CADPS2: variants seen among roughly 807,000 people sequenced by gnomAD.
CADPS2 encodes calcium-dependent secretion activator 2.
A neutral mutation model predicts 172.5 loss-of-function variants in CADPS2; 93 were observed. That is an observed-to-expected ratio of 0.54 (90% CI 0.46 to 0.64). The LOEUF (loss-of-function observed/expected upper bound fraction) is 0.64, where lower values mean the gene tolerates loss of function less well. Among genes scored for constraint, CADPS2 ranks in the 30% least tolerant of loss-of-function variants. The pLI is 0.00. For missense variants in CADPS2, 1,420 were observed against 1,565.9 expected, an observed-to-expected ratio of 0.91 and a Z score of 1.57; for synonymous variants, 546 against 555.2, an observed-to-expected ratio of 0.98 and a Z score of 0.23.
chr7:122,593,246 G>A (rs1240274211), intron 6 of CADPS2, among the ~76,000 whole-genome samples: 1 of 151,886 alleles, frequency 6.6e-6, no homozygotes, highest in African/African-American at 2.4e-5. Context: ...AACAATCTAA[G>A]TGAAATTAGT....
chr7:122,441,499 T>C lies in CADPS2; in HGVS notation c.2352+13A>G, dbSNP rs1355918333. 6.6e-7 allele frequency: 1 copy of C among 1,506,336 alleles called. No homozygotes were observed. The highest frequency in any genetic ancestry group is 1.7e-4 in the Middle Eastern group (1 of 5,770). The allele number at this position is 1,506,336 out of a possible 1,614,324, so 93.3% of individuals were successfully genotyped here. On this transcript the variant is annotated intron_variant, in intron 16 of 29. Transcript: ENST00000449022. ...AAAGCAAATAGTATTTATAAAGTAA[T>C]GTTCAAACATACCCTTTCAAGTAAT...
At chr7:122,763,079 G>A (rs1241863830) in intron 1 of CADPS2, among the ~76,000 whole-genome samples, 3 of 152,104 alleles carry the variant, frequency 2.0e-5, no homozygotes, top group African/African-American at 7.2e-5. Context: ...GGAAGGCTGT[G>A]TTAACAGGCC....
intron 17 of CADPS2, among the ~76,000 whole-genome samples, chr7:122,417,536 C>A (rs1264396379): frequency 1.3e-5 from 2 of 152,170 alleles, no homozygotes; most frequent in Non-Finnish European, 2.9e-5. Flanking sequence ...CTGAAAAGAT[C>A]CATAGACATG....
intron 3 of CADPS2, among the ~76,000 whole-genome samples, chr7:122,633,309 T>G (rs191893717): frequency 2.1e-3 from 313 of 152,272 alleles, no homozygotes; most frequent in Non-Finnish European, 3.6e-3. Flanking sequence ...ATGATACTGA[T>G]TTTTCCATTC....
intron 1 of CADPS2, among the ~76,000 whole-genome samples, chr7:122,825,465 A>G (rs1259694159): frequency 6.6e-6 from 1 of 152,190 alleles, no homozygotes; most frequent in Non-Finnish European, 1.5e-5. Flanking sequence ...GGGAGAGATA[A>G]AATTAAAATG....
chr7:122,743,205 A>G (rs563124013), intron 1 of CADPS2, among the ~76,000 whole-genome samples: 2 of 152,342 alleles, frequency 1.3e-5, no homozygotes, highest in Admixed American at 6.5e-5. Flanking sequence ...TTGTAAAAAG[A>G]AAAAACTAAA....
intron 2 of CADPS2, among the ~76,000 whole-genome samples, chr7:122,701,495 A>G (rs2086083942): frequency 6.6e-6 from 1 of 152,170 alleles, no homozygotes; most frequent in Admixed American, 6.6e-5. Flanking sequence ...ATGTTAAATG[A>G]CGAGTTACTG....
chr7:122,767,360 T>C (rs527829214), intron 1 of CADPS2, among the ~76,000 whole-genome samples: 2 of 152,108 alleles, frequency 1.3e-5, no homozygotes, highest in Non-Finnish European at 2.9e-5. Context: ...TGCAGATAAG[T>C]GATAGAGCTG....
intron 27 of CADPS2, among the ~76,000 whole-genome samples, chr7:122,345,882 C>CAAATTGA (rs1215045348): frequency 1.4e-5 from 2 of 143,914 alleles, no homozygotes. Flanking sequence ...AACTTGAGAT[C>CAAATTGA]AAATTGAAAA....
chr7:122,762,011 A>T (rs868184428), intron 1 of CADPS2, among the ~76,000 whole-genome samples: 804 of 80,320 alleles, frequency 0.01, 13 homozygotes, highest in African/African-American at 0.039. Flanking sequence ...AAAAAAAAAA[A>T]AAATATATAT....
chr7:122,434,827 T>G (rs999018424), intron 17 of CADPS2, among the ~76,000 whole-genome samples: 1 of 152,194 alleles, frequency 6.6e-6, no homozygotes, highest in Non-Finnish European at 1.5e-5. Flanking sequence ...AACTGCTTAC[T>G]TTTTATTTAA....
At chr7:122,697,816 A>G in intron 2 of CADPS2, 1 of 1,594,996 alleles carries the variant, frequency 6.3e-7, no homozygotes, top group Non-Finnish European at 8.5e-7. Flanking sequence ...ATCTTCCACT[A>G]CTGAATGAGG....
intron 28 of CADPS2, among the ~76,000 whole-genome samples, chr7:122,338,569 C>T (rs552952832): frequency 3.9e-5 from 6 of 152,116 alleles, no homozygotes; most frequent in Non-Finnish European, 7.4e-5. Flanking sequence ...CATGGTTGGA[C>T]ATACTGGTAC....
chr7:122,829,848 A>G (rs1474244685), intron 1 of CADPS2, among the ~76,000 whole-genome samples: 1 of 152,200 alleles, frequency 6.6e-6, no homozygotes, highest in Non-Finnish European at 1.5e-5. Flanking sequence ...CTCAAAAGTC[A>G]CCAATCAAAT....
intron 1 of CADPS2, among the ~76,000 whole-genome samples, chr7:122,831,844 T>C (rs1806659878): frequency 6.6e-6 from 1 of 152,178 alleles, no homozygotes; most frequent in African/African-American, 2.4e-5. Context: ...TATAATATTC[T>C]TGCCATGCTA....
At chr7:122,435,780 G>T (rs576927419) in intron 17 of CADPS2, among the ~76,000 whole-genome samples, 1 of 152,080 alleles carries the variant, frequency 6.6e-6, no homozygotes, top group African/African-American at 2.4e-5. Flanking sequence ...GAGATGAATG[G>T]ATGAAGAAAA....
At chr7:122,482,268 A>C (rs918760608) in intron 11 of CADPS2, among the ~76,000 whole-genome samples, 1 of 152,078 alleles carries the variant, frequency 6.6e-6, no homozygotes, top group African/African-American at 2.4e-5. Context: ...GTGATTCCTC[A>C]CCAACCGCAA....
In CADPS2 at chr7:122,749,198, T is replaced by A. The variant is rs74923167; in HGVS notation, c.340-12130A>T. ...TCCCACGTATCACTGAAGAATTGAT[T>A]CAAGTGTGCATTCCTAAAGAAATCA... On this transcript the variant is annotated intron_variant, in intron 1 of 29. Transcript: ENST00000449022. Among the ~76,000 whole-genome samples, 195 of 152,114 alleles carry A rather than the reference T, an allele frequency of 1.3e-3. 1 individual carries two copies. The highest frequency in any genetic ancestry group is 2.2e-3 in the Non-Finnish European group (148 of 68,016).
rs755685282 is a variant in CADPS2, at chr7:122,820,562, T to G, written c.339+65437A>C. On this transcript the variant is annotated intron_variant, in intron 1 of 29. Coordinates refer to ENST00000449022, the MANE Select transcript of CADPS2 (RefSeq NM_017954.11). ...TTACTGTTTTTTGTTTTTTGTTTTT[T>G]TTTTTTTTTTTTTTTGAGACGGAGT... Among the ~76,000 whole-genome samples the G allele has an allele frequency of 8.4e-3, 969 of 114,696 alleles. 130 individuals are homozygous for G. The highest frequency in any genetic ancestry group is 0.017 in the South Asian group (59 of 3,532). 75.2% of individuals were successfully genotyped at this position (114,696 alleles called of 152,430 possible).
Sources: allele counts gnomAD v4.1 joint callset (sites outside exome capture counted in the v4.1 genomes callset), GRCh38; gene constraint gnomAD v4.1.1; transcripts MANE v1.5; gene names NCBI Gene and HGNC (gene_info 2026-07-23, HGNC 2026-07-21).